ZNF208: variants seen among roughly 807,000 people sequenced by gnomAD.
The protein encoded by ZNF208 is zinc finger protein 208, also known as zinc finger protein 95.
Under a neutral mutation model 12.1 loss-of-function variants are expected in ZNF208, and 10 were observed. The observed-to-expected ratio is 0.83, with a 90% confidence interval of 0.51 to 1.40. ZNF208 has a LOEUF of 1.40. Among genes scored for constraint, ZNF208 ranks in the 40% most tolerant of loss-of-function variants. The probability of loss-of-function intolerance (pLI) is 0.00; values close to 1 mark genes in which losing one functional copy is unlikely to be tolerated. For missense variants in ZNF208, 1,652 were observed against 1,485.0 expected, an observed-to-expected ratio of 1.11 and a Z score of -1.85; for synonymous variants, 497 against 488.4, an observed-to-expected ratio of 1.02 and a Z score of -0.23.
At chr19:21,957,602 C>G (rs1969996879) in intron 4 of ZNF208, among the ~76,000 whole-genome samples, 1 of 152,084 alleles carries the variant, frequency 6.6e-6, no homozygotes, top group Admixed American at 6.6e-5. Context: ...AGGAGTTTAA[C>G]CAACTCACAG....
Position 21,974,141 on chromosome 19 carries a change from G to A in ZNF208, c.893C>T (p.Ser298Leu), listed in dbSNP as rs12462668. Reference protein sequence around the residue: ...EECGKAFSKVSTLTTHKAIHA... With the variant: ...EECGKAFSKVLTLTTHKAIHA... Reference sequence around the variant, plus strand: ...AATTGCCTTATGTGTAGTAAGAGTCGAGACCTTACTAAAGGCTTTGCCACA... The same window carrying A: ...AATTGCCTTATGTGTAGTAAGAGTCAAGACCTTACTAAAGGCTTTGCCACA... The change falls in exon 4 of 4, where the codon TCG (serine) becomes TTG (leucine). Residue 298 changes from serine (S) to leucine (L), a missense_variant. Ser to Leu is a moderately radical substitution (Grantham distance 145, BLOSUM62 -2). This residue lies in a region of ZNF208 where 410 missense variants were observed against 378.2 expected (regional missense o/e 1.08). Transcript: ENST00000397126. 0.15 allele frequency: 236,370 copies of A among 1,608,302 alleles called. 20,820 individuals are homozygous for A. The highest frequency in any genetic ancestry group is 0.26 in the Admixed American group (15,282 of 59,690).
chr19:21,983,034 G>A (rs965982389), intron 3 of ZNF208, among the ~76,000 whole-genome samples: 4 of 152,086 alleles, frequency 2.6e-5, no homozygotes, highest in African/African-American at 7.2e-5. Context: ...TAAACTAAGA[G>A]CTTCTGCACA....
At chr19:21,958,277 T>A (rs961064249) in intron 4 of ZNF208, among the ~76,000 whole-genome samples, 3 of 152,186 alleles carry the variant, frequency 2.0e-5, no homozygotes, top group Admixed American at 2.0e-4. Context: ...GATGACATTT[T>A]AAACCTACCC....
At position 21,973,001 on chromosome 19, in the gene ZNF208, G is replaced by C; in HGVS notation, c.2033C>G (p.Ser678Ter). 1 of 1,613,664 alleles carries C rather than the reference G, an allele frequency of 6.2e-7. No individual in the cohort carries two copies. Among genetic ancestry groups the C allele is most frequent in the Middle Eastern group, 1.7e-4 (1 of 6,054 alleles). The change falls in exon 4 of 4, where the codon TCA becomes TGA. Residue 678 changes from serine to a stop codon, truncating the protein, a stop_gained. Transcript: ENST00000397126. LOFTEE classifies it low-confidence loss of function (END_TRUNC). ...AATTACCTTATGTTTAGTAAGGATT[G>C]AGAACTTACTAAAGGCTTTGCCACA... ...KECGKAFSKF[S>*]ILTKHKVIHT...
chr19:21,988,107 G>A (rs904641255), intron 2 of ZNF208, among the ~76,000 whole-genome samples: 1 of 152,050 alleles, frequency 6.6e-6, no homozygotes, highest in African/African-American at 2.4e-5. Context: ...TTAAAAATTG[G>A]TGGTTGCCAG....
rs763756288 is a variant in ZNF208 at position 21,973,953 on chromosome 19, C to A, written c.1081G>T (p.Val361Leu). 9 of 1,612,512 alleles carry A rather than the reference C, an allele frequency of 5.6e-6. No homozygotes were observed. The highest frequency in any genetic ancestry group is 7.6e-6 in the Non-Finnish European group (9 of 1,179,618). ...TAGGGTTTCTCTCCAGTATGAATTA[C>A]CTTATGTTTAGTAAGGATTGAGAAC... is the stretch of plus-strand genomic sequence containing the variant. ...SKFSILTKHK[V>L]IHTGEKPYKC... The change falls in exon 4 of 4, where the codon GTA becomes TTA. Residue 361 changes from valine (V) to leucine (L), a missense_variant. Coordinates refer to ENST00000397126, the MANE Select transcript of ZNF208 (RefSeq NM_007153.3).
At position 21,974,153 on chromosome 19, in the gene ZNF208, A is replaced by T; in HGVS notation, c.881T>A (p.Phe294Tyr). The change falls in exon 4 of 4, where the codon TTT becomes TAT. Residue 294 changes from phenylalanine to tyrosine, a missense_variant. Physicochemically the swap from Phe to Tyr is conservative, Grantham distance 22. Around this residue, in one of 3 missense-constraint regions of ZNF208, gnomAD observed 410 missense variants for 378.2 expected, o/e 1.08. Transcript: ENST00000397126. ...PNKCEECGKA[F>Y]SKVSTLTTHK... ...TGTAGTAAGAGTCGAGACCTTACTAAAGGCTTTGCCACATTCTTCACATTT... is the reference window on the plus strand; with the variant it reads ...TGTAGTAAGAGTCGAGACCTTACTATAGGCTTTGCCACATTCTTCACATTT... 1.2e-6 allele frequency: 2 copies of T among 1,611,724 alleles called. No homozygotes were observed. The highest frequency in any genetic ancestry group is 1.7e-6 in the Non-Finnish European group (2 of 1,178,494).
chr19:21,989,735 C>T (rs1237358604), intron 1 of ZNF208, among the ~76,000 whole-genome samples: 1 of 152,206 alleles, frequency 6.6e-6, no homozygotes, highest in African/African-American at 2.4e-5. Flanking sequence ...CACATCCTCT[C>T]CAGCACCTGT....
rs1182883823 is a variant in ZNF208 at position 21,972,811 on chromosome 19, T to A, written c.2223A>T (p.Val741=). The stretch of plus-strand genomic sequence containing the variant: ...TGTAGGGTTTCTCTCCAGTATGAAT[T>A]ACCTTATGTTTAGTAAGGACTGAGA... ...STFSVLTKHK[V]IHTGEKPYKC... Residue 741 remains valine (V), a synonymous_variant, in exon 4 of 4, where the codon GTA becomes GTT. Transcript: ENST00000397126. 6 of 1,612,330 alleles carry A rather than the reference T, an allele frequency of 3.7e-6. No homozygotes were observed. In the Middle Eastern group the frequency reaches 8.3e-4, roughly 222 times the overall value.
In ZNF208 at chr19:21,971,138, T is replaced by C. The variant is rs1599612450; in HGVS notation, c.*53A>G. The stretch of plus-strand genomic sequence containing the variant: ...TTTCTCTCCAGTATGAATTTTCTTA[T>C]GATAACTAAGGGTTGAGGGCCACTT... On this transcript the variant is annotated 3_prime_UTR_variant, in exon 4 of 4. Transcript: ENST00000397126. 6.8e-6 allele frequency: 11 copies of C among 1,613,164 alleles called. No individual in the cohort carries two copies. In the East Asian group the frequency reaches 8.9e-5, roughly 13 times the overall value.
chr19:21,975,851 A>AAAAAAAAAAAACAG (rs377638519), intron 3 of ZNF208, among the ~76,000 whole-genome samples: 1 of 91,870 alleles, frequency 1.1e-5, no homozygotes, highest in African/African-American at 4.6e-5. Flanking sequence ...AAAAAAAAAA[A>AAAAAAAAAAAACAG]GCTATCAAGT....
At chr19:21,948,780 A>C (rs1161066424) in intron 4 of ZNF208, among the ~76,000 whole-genome samples, 1 of 116,558 alleles carries the variant, frequency 8.6e-6, no homozygotes, top group Non-Finnish European at 1.9e-5. Flanking sequence ...AAGTAGCCTT[A>C]CAGGCAGCAA....
downstream of ZNF208, among the ~76,000 whole-genome samples, chr19:21,963,898 A>G (rs1970118511): frequency 6.6e-6 from 1 of 151,954 alleles, no homozygotes; most frequent in Admixed American, 6.6e-5. Context: ...AAAATTTCAA[A>G]TAGGTTAAGT....
intron 4 of ZNF208, among the ~76,000 whole-genome samples, chr19:21,953,474 C>T (rs1017356624): frequency 6.6e-6 from 1 of 151,838 alleles, no homozygotes; most frequent in Admixed American, 6.6e-5. Context: ...CAGCAGAAAT[C>T]CTACAAACCA....
At chr19:21,941,878 C>T (rs1472309864) in intron 4 of ZNF208, among the ~76,000 whole-genome samples, 1 of 151,726 alleles carries the variant, frequency 6.6e-6, no homozygotes, top group Non-Finnish European at 1.5e-5. Context: ...ATATTTTGGA[C>T]TTTAGTATGT....
intron 4 of ZNF208, among the ~76,000 whole-genome samples, chr19:21,958,497 T>C (rs1217532606): frequency 6.6e-6 from 1 of 152,180 alleles, no homozygotes; most frequent in African/African-American, 2.4e-5. Flanking sequence ...AAGCCAAGCC[T>C]CATGCACCCA....
At chr19:22,008,318 A>AAAAG (rs1408182941) in intron 1 of ZNF208, among the ~76,000 whole-genome samples, 4 of 148,804 alleles carry the variant, frequency 2.7e-5, no homozygotes, top group Non-Finnish European at 6.0e-5. Flanking sequence ...AAAAAAAAAG[A>AAAAG]AAAAAAAAAC....
At chr19:21,965,902 G>T (rs1350140128), downstream of ZNF208, 1 of 151,898 alleles carries the variant, frequency 6.6e-6, no homozygotes, top group Non-Finnish European at 1.5e-5. Context: ...TAATAAAGGT[G>T]TAATTTGTTT....
chr19:21,995,322 C>T (rs1309105044), intron 1 of ZNF208, among the ~76,000 whole-genome samples: 1 of 152,162 alleles, frequency 6.6e-6, no homozygotes, highest in Non-Finnish European at 1.5e-5. Flanking sequence ...CTCCAGACCT[C>T]CTGATTTTTT....
Sources: allele counts gnomAD v4.1 joint callset (sites outside exome capture counted in the v4.1 genomes callset), GRCh38; gene constraint gnomAD v4.1.1; regional missense constraint gnomAD v4.1.1; transcripts MANE v1.5; gene names NCBI Gene and HGNC (gene_info 2026-07-23, HGNC 2026-07-21).